RAB6A: variants seen among roughly 807,000 people sequenced by gnomAD.
The protein encoded by RAB6A is ras-related protein Rab-6A.
RAB6A carries 8 observed loss-of-function variants against 32.3 expected under a neutral mutation model. The ratio of observed to expected loss-of-function variants is 0.25; its 90% CI spans 0.15 to 0.45. The LOEUF is 0.45. RAB6A is among the 20% of genes least tolerant of loss of function. RAB6A has a pLI of 1.00. For missense variants in RAB6A, 104 were observed against 249.4 expected (o/e 0.42, Z 3.93); for synonymous variants, 73 against 82.1 (o/e 0.89, Z 0.60).
intron 6 of RAB6A, among the ~76,000 whole-genome samples, chr11:73,680,627 G>A (rs536407137): frequency 1.8e-4 from 27 of 152,266 alleles, no homozygotes; most frequent in Admixed American, 1.6e-3. Flanking sequence ...ATTCCAGCCT[G>A]GGCGACACAG....
chr11:73,742,619 C>T (rs989404296), intron 1 of RAB6A, among the ~76,000 whole-genome samples: 2 of 152,108 alleles, frequency 1.3e-5, no homozygotes, highest in African/African-American at 4.8e-5. Flanking sequence ...CAAGACCAGC[C>T]TGACCAACAC....
At chr11:73,733,837 A>G (rs1026043342) in intron 1 of RAB6A, among the ~76,000 whole-genome samples, 2 of 152,108 alleles carry the variant, frequency 1.3e-5, no homozygotes, top group Non-Finnish European at 2.9e-5. Flanking sequence ...GAATCTTCTA[A>G]GTGCTGGTAT....
Position 73,720,999 on chromosome 11 carries a change from A to G in RAB6A, c.130-100T>C, listed in dbSNP as rs867055813. 60 of 872,526 alleles carry G rather than the reference A, an allele frequency of 6.9e-5. No homozygotes were observed. The African/African-American group carries it at 8.9e-4, about 13-fold the overall frequency. 54.0% of individuals were successfully genotyped at this position (872,526 alleles called of 1,614,324 possible). On this transcript the variant is annotated intron_variant, in intron 2 of 7. Coordinates refer to ENST00000336083, the MANE Select transcript of RAB6A (RefSeq NM_198896.2). ...CATGATTGTGGAAGAAATAATGAAT[A>G]AACAAATCAATACAACATAGTCAAT... is the stretch of plus-strand genomic sequence containing the variant.
chr11:73,760,058 A>G (rs1434823540), intron 1 of RAB6A: 1 of 1,289,392 alleles, frequency 7.8e-7, no homozygotes, highest in Admixed American at 2.3e-5. Flanking sequence ...CTTCCACGAC[A>G]TCAGCACTTC....
intron 1 of RAB6A, among the ~76,000 whole-genome samples, chr11:73,731,684 TTATATATATATATATATATATATATATA>T (rs1157961323): frequency 3.4e-4 from 5 of 14,526 alleles, no homozygotes; most frequent in African/African-American, 7.7e-4. Flanking sequence ...TAGATAGATA[TTATATATATATATATATATATATATATA>T]TATATATATA....
chr11:73,718,248 G>C (rs959103410), intron 4 of RAB6A, among the ~76,000 whole-genome samples: 2 of 152,196 alleles, frequency 1.3e-5, no homozygotes, highest in African/African-American at 4.8e-5. Context: ...GGAGGATTTG[G>C]AAAACCTGGC....
intron 6 of RAB6A, among the ~76,000 whole-genome samples, chr11:73,702,190 C>A (rs571943968): frequency 6.6e-6 from 1 of 152,278 alleles, no homozygotes; most frequent in East Asian, 1.9e-4. Context: ...TTGAGACAGT[C>A]TTGTTCTGTT....
chr11:73,723,936 C>A (rs1946178975), intron 2 of RAB6A, among the ~76,000 whole-genome samples: 1 of 152,292 alleles, frequency 6.6e-6, no homozygotes, highest in Non-Finnish European at 1.5e-5. Context: ...CAGTACCCTG[C>A]ATTTCAATAT....
chr11:73,682,853 T>C (rs751581437), intron 6 of RAB6A, among the ~76,000 whole-genome samples: 8 of 152,092 alleles, frequency 5.3e-5, no homozygotes, highest in Non-Finnish European at 2.9e-5. Flanking sequence ...TTTCTAAAAG[T>C]TTAATAATAT....
chr11:73,756,558 C>T (rs760763200), intron 1 of RAB6A, among the ~76,000 whole-genome samples: 11 of 152,226 alleles, frequency 7.2e-5, no homozygotes, highest in Admixed American at 1.3e-4. Context: ...ATAGTGAAAT[C>T]TTCTACTGTA....
intron 5 of RAB6A, among the ~76,000 whole-genome samples, chr11:73,711,410 A>G (rs141984082): frequency 6.6e-6 from 1 of 152,272 alleles, no homozygotes; most frequent in African/African-American, 2.4e-5. Flanking sequence ...TACCCTGAAG[A>G]TTCACTCCAT....
chr11:73,680,069 G>A (rs1945330657), intron 6 of RAB6A, among the ~76,000 whole-genome samples: 1 of 152,144 alleles, frequency 6.6e-6, no homozygotes, highest in East Asian at 1.9e-4. Flanking sequence ...CTGCACTCCA[G>A]CCCGGGCAAC....
At chr11:73,725,918 C>T (rs775239217) in intron 2 of RAB6A, among the ~76,000 whole-genome samples, 8 of 151,536 alleles carry the variant, frequency 5.3e-5, no homozygotes, top group Non-Finnish European at 1.0e-4. Flanking sequence ...TTTAGGAGGC[C>T]GAGGCAGCCG....
chr11:73,755,472 T>C (rs752688170), intron 1 of RAB6A, among the ~76,000 whole-genome samples: 29 of 152,032 alleles, frequency 1.9e-4, no homozygotes, highest in Admixed American at 1.6e-3. Context: ...TTTGTATTTT[T>C]AGTAGAAACG....
At chr11:73,704,797 C>T (rs1215040223) in intron 6 of RAB6A, among the ~76,000 whole-genome samples, 1 of 151,648 alleles carries the variant, frequency 6.6e-6, no homozygotes, top group Non-Finnish European at 1.5e-5. Context: ...GAGATCGAGA[C>T]CATCCTGGTG....
Position 73,688,723 on chromosome 11 carries a change from G to A in RAB6A, c.496-9003C>T, listed in dbSNP as rs547000392. Among the ~76,000 whole-genome samples, 292 of 152,300 alleles carry A rather than the reference G, an allele frequency of 1.9e-3. 2 individuals are homozygous for A. The highest frequency in any genetic ancestry group is 6.4e-3 in the African/African-American group (267 of 41,560). On this transcript the variant is annotated intron_variant, in intron 6 of 7. Coordinates refer to ENST00000336083, the MANE Select transcript of RAB6A (RefSeq NM_198896.2). ...CCTGCAAAGGGCCACTTTGTGAAGA[G>A]AAAACTTGCATCTGTAAAACATTTC...
chr11:73,684,666 A>T (rs1385186174), intron 6 of RAB6A, among the ~76,000 whole-genome samples: 1 of 152,212 alleles, frequency 6.6e-6, no homozygotes, highest in Non-Finnish European at 1.5e-5. Flanking sequence ...AATGATTTTA[A>T]CACCTGGCCA....
intron 6 of RAB6A, among the ~76,000 whole-genome samples, chr11:73,706,393 A>G (rs1945844277): frequency 6.6e-6 from 1 of 152,036 alleles, no homozygotes; most frequent in African/African-American, 2.4e-5. Context: ...AGGCACCTGT[A>G]GTCCCAGCTA....
At chr11:73,744,960 C>T (rs1482018489) in intron 1 of RAB6A, among the ~76,000 whole-genome samples, 2 of 143,600 alleles carry the variant, frequency 1.4e-5, no homozygotes, top group South Asian at 4.3e-4. Flanking sequence ...GGTGACAGAG[C>T]GAGAATCCAT....
Sources: allele counts gnomAD v4.1 joint callset (sites outside exome capture counted in the v4.1 genomes callset), GRCh38; gene constraint gnomAD v4.1.1; transcripts MANE v1.5; gene names NCBI Gene and HGNC (gene_info 2026-07-23, HGNC 2026-07-21).